Variants in DGKD observed in about 807,000 individuals in gnomAD.
DGKD encodes the protein DAG kinase delta.
DGKD carries 68 observed loss-of-function variants against 154.4 expected under a neutral mutation model. The observed-to-expected ratio is 0.44, with a 90% confidence interval of 0.36 to 0.54. The LOEUF is 0.54. Among genes scored for constraint, DGKD ranks in the 20% least tolerant of loss-of-function variants. The pLI is 0.00. For missense variants in DGKD, 1,343 were observed against 1,593.6 expected (o/e 0.84, Z 2.68); for synonymous variants, 693 against 638.0 (o/e 1.09, Z -1.30).
At chr2:233,367,602 A>T (rs1229774851) in intron 1 of DGKD, among the ~76,000 whole-genome samples, 1 of 152,070 alleles carries the variant, frequency 6.6e-6, no homozygotes, top group African/African-American at 2.4e-5. Context: ...GATTTTTCTG[A>T]TTGTTTTCCC....
At position 233,418,474 on chromosome 2, in the gene DGKD, C is replaced by T. The variant is rs975119479; in HGVS notation, c.349-15906C>T. Among the ~76,000 whole-genome samples the T allele has an allele frequency of 3.3e-5, 5 of 152,180 alleles. No individual in the cohort carries two copies. In the South Asian group the frequency reaches 6.2e-4, roughly 19 times the overall value. ...GGTAAGTAACACAATATTTCTGTCA[C>T]GTTTCATTTTTAAGTAGAACTTTCA... On this transcript the variant is annotated intron_variant, in intron 3 of 29. Coordinates refer to ENST00000264057, the MANE Select transcript of DGKD (RefSeq NM_152879.3).
intron 18 of DGKD, among the ~76,000 whole-genome samples, chr2:233,453,226 T>C (rs994486533): frequency 7.9e-5 from 12 of 152,280 alleles, no homozygotes; most frequent in African/African-American, 2.9e-4. Flanking sequence ...CTGTGGTGTG[T>C]GCCTGGGCCG....
At chr2:233,394,277 C>G (rs1282002388) in intron 3 of DGKD, among the ~76,000 whole-genome samples, 2 of 152,014 alleles carry the variant, frequency 1.3e-5, no homozygotes, top group African/African-American at 2.4e-5. Context: ...AGGTCTTGCT[C>G]TATCACCTGG....
chr2:233,444,662 C>T (rs2063005815), intron 10 of DGKD, among the ~76,000 whole-genome samples: 2 of 147,034 alleles, frequency 1.4e-5, no homozygotes, highest in South Asian at 4.5e-4. Context: ...AGTGTGTCGG[C>T]TCCGGTGTCC....
chr2:233,367,282 G>A (rs768371987), intron 1 of DGKD, among the ~76,000 whole-genome samples: 2 of 151,358 alleles, frequency 1.3e-5, no homozygotes, highest in African/African-American at 2.4e-5. Context: ...AGACTGGAGT[G>A]CAGTGGTGCG....
At chr2:233,369,917 T>C (rs1235278340) in intron 1 of DGKD, among the ~76,000 whole-genome samples, 1 of 152,196 alleles carries the variant, frequency 6.6e-6, no homozygotes, top group Non-Finnish European at 1.5e-5. Flanking sequence ...CAGGAAGGGC[T>C]GGACTCTCAT....
chr2:233,445,844 C>G lies in DGKD; in HGVS notation c.1334+82C>G. The G allele has an allele frequency of 1.4e-6, 2 of 1,442,226 alleles. No individual in the cohort carries two copies. The highest frequency in any genetic ancestry group is 1.8e-6 in the Non-Finnish European group (2 of 1,084,338). 89.3% of individuals were successfully genotyped at this position (1,442,226 alleles called of 1,614,324 possible). ...TGACCAGGTGTTCTTAACCTGGGGT[C>G]TGTGGAAAACATGGGCCCTCTGAAA... On this transcript the variant is annotated intron_variant, in intron 11 of 29. Transcript: ENST00000264057. This position sits in a 1 kb window ranked among gnomAD's most constrained non-coding sequence, Gnocchi z 5.5.
At chr2:233,379,978 G>T (rs568356870) in intron 1 of DGKD, 1 of 152,278 alleles carries the variant, frequency 6.6e-6, no homozygotes, top group African/African-American at 2.4e-5. Flanking sequence ...TTTAACAAAC[G>T]TTCCAGGGGT....
intron 3 of DGKD, among the ~76,000 whole-genome samples, chr2:233,398,182 G>T (rs10177761): frequency 0.12 from 18,096 of 146,218 alleles, 1,520 homozygotes; most frequent in African/African-American, 0.25. Context: ...TCGCTCTGTT[G>T]CCCAGGCTGG....
rs1011782043 is a variant in DGKD at position 233,441,601 on chromosome 2, A to T, written c.1086-286A>T. ...GTTTTGGCCCACCACTTTGCCTGTG[A>T]TGTCTGCAGAGCGTGCAGTGGCTCA... is the stretch of plus-strand genomic sequence containing the variant. On this transcript the variant is annotated intron_variant, in intron 9 of 29. Coordinates refer to ENST00000264057, the MANE Select transcript of DGKD (RefSeq NM_152879.3). This position sits in a 1 kb window ranked among gnomAD's most constrained non-coding sequence, Gnocchi z 5.6. 6.6e-6 allele frequency among the ~76,000 whole-genome samples: 1 copy of T among 152,154 alleles called. No homozygotes were observed. Among genetic ancestry groups the T allele is most frequent in the Non-Finnish European group, 1.5e-5 (1 of 68,010 alleles).
Position 233,467,907 on chromosome 2 carries a change from T to G in DGKD, c.3425-516T>G, listed in dbSNP as rs368588569. Among the ~76,000 whole-genome samples the G allele has an allele frequency of 3.9e-5, 6 of 152,362 alleles. No individual in the cohort carries two copies. In the South Asian group the frequency reaches 1.2e-3, roughly 32 times the overall value. The stretch of plus-strand genomic sequence containing the variant: ...CTCTGACTATGTGAATTGAAATCTC[T>G]GCTCGTTTCCTTTCCTGCTATGGTC... On this transcript the variant is annotated intron_variant, in intron 28 of 29. Transcript: ENST00000264057.
At chr2:233,359,409 A>G (rs1002696024) in intron 1 of DGKD, among the ~76,000 whole-genome samples, 4 of 152,168 alleles carry the variant, frequency 2.6e-5, no homozygotes, top group Non-Finnish European at 1.5e-5. Context: ...TAAATGGGAT[A>G]ATTTGTGTAG....
At chr2:233,362,144 A>G (rs1405973814) in intron 1 of DGKD, among the ~76,000 whole-genome samples, 1 of 152,196 alleles carries the variant, frequency 6.6e-6, no homozygotes, top group African/African-American at 2.4e-5. Flanking sequence ...ATCAAAATTA[A>G]CTAACCAAAA....
chr2:233,361,122 C>T (rs780250739), intron 1 of DGKD, among the ~76,000 whole-genome samples: 1 of 151,780 alleles, frequency 6.6e-6, no homozygotes, highest in Non-Finnish European at 1.5e-5. Context: ...GTGAGACTGT[C>T]TGAGTGCCTT....
intron 1 of DGKD, among the ~76,000 whole-genome samples, chr2:233,373,754 G>A (rs1264942766): frequency 6.6e-6 from 1 of 152,206 alleles, no homozygotes; most frequent in Non-Finnish European, 1.5e-5. Context: ...TACCTAAGAA[G>A]TGAGCTCAAG....
At chr2:233,433,707 A>G (rs934759855) in intron 3 of DGKD, among the ~76,000 whole-genome samples, 4 of 152,214 alleles carry the variant, frequency 2.6e-5, no homozygotes, top group Non-Finnish European at 1.5e-5. Flanking sequence ...TATACCTACC[A>G]TGTACCCACA....
Position 233,445,646 on chromosome 2 carries a change from C to G in DGKD, c.1218C>G (p.Leu406=). ...HKQCQLGVLP[L]GTGNDLARVL... is the part of the protein sequence containing the mutation. ...AGTGTCAGCTGGGAGTGCTGCCGCTCGGCACAGGGAACGACTTGGCCCGAG... is the reference window on the plus strand; with the variant it reads ...AGTGTCAGCTGGGAGTGCTGCCGCTGGGCACAGGGAACGACTTGGCCCGAG... The change falls in exon 11 of 30, where the codon CTC becomes CTG. Residue 406 remains leucine (L), a synonymous_variant. Coordinates refer to ENST00000264057, the MANE Select transcript of DGKD (RefSeq NM_152879.3). The surrounding 1 kb of genome is among the most constrained non-coding windows in gnomAD (Gnocchi z 5.5). 1 of 1,611,466 alleles carries G rather than the reference C, an allele frequency of 6.2e-7. No homozygotes were observed. The highest frequency in any genetic ancestry group is 1.7e-4 in the Middle Eastern group (1 of 6,042).
intron 1 of DGKD, 200 bp from the exon 2 acceptor site, chr2:233,388,057 A>C: frequency 8.2e-7 from 1 of 1,219,666 alleles, no homozygotes; most frequent in Non-Finnish European, 1.1e-6. Context: ...ATTGCCCCTT[A>C]GAGGACAGGA....
chr2:233,354,521 G>GGCGGCGGCGGCGGGCGCCCCT lies in DGKD; in HGVS notation c.4_24dup (p.Ala2_Pro8dup). The GGCGGCGGCGGCGGGCGCCCCT allele has an allele frequency of 1.1e-6, 1 of 941,554 alleles. No homozygotes were observed. Among genetic ancestry groups the GGCGGCGGCGGCGGGCGCCCCT allele is most frequent in the African/African-American group, 1.8e-5 (1 of 55,482 alleles). The allele number at this position is 941,554 out of a possible 1,614,324, so 58.3% of individuals were successfully genotyped here. The stretch of plus-strand genomic sequence containing the variant: ...GGTGCGCGCGCTGGCCCGGCAGCAT[G>GGCGGCGGCGGCGGGCGCCCCT]GCGGCGGCGGCGGGCGCCCCTCCGC... On this transcript the variant is annotated inframe_insertion, in exon 1 of 30. Coordinates refer to ENST00000264057, the MANE Select transcript of DGKD (RefSeq NM_152879.3). The surrounding 1 kb of genome is among the most constrained non-coding windows in gnomAD (Gnocchi z 4.8).
Sources: gnomAD v4.1 joint callset for allele counts (sites outside exome capture counted in the v4.1 genomes callset) on GRCh38, gnomAD v4.1.1 for gene constraint, Gnocchi (gnomAD v3.1) non-coding constraint, MANE v1.5 for transcripts, NCBI Gene and HGNC (gene_info 2026-07-23, HGNC 2026-07-21) for gene names.